Variants in RUNX1T1 observed in about 807,000 individuals in gnomAD.
RUNX1T1 encodes the protein protein CBFA2T1.
A neutral mutation model predicts 62.8 loss-of-function variants in RUNX1T1; 4 were observed. That is an observed-to-expected ratio of 0.06 (90% CI 0.03 to 0.15). RUNX1T1 has a LOEUF of 0.15. RUNX1T1 is among the 10% of genes least tolerant of loss of function. RUNX1T1 has a pLI of 1.00. For synonymous variants in RUNX1T1, 291 were observed against 286.0 expected (o/e 1.02, Z -0.18); for missense variants, 508 against 754.3 (o/e 0.67, Z 3.82).
At chr8:92,058,946 A>G (rs1831466778) in intron 1 of RUNX1T1, among the ~76,000 whole-genome samples, 1 of 152,172 alleles carries the variant, frequency 6.6e-6, no homozygotes, top group Non-Finnish European at 1.5e-5. Flanking sequence ...ATCATTTTCA[A>G]TAGACCATTA....
chr8:92,055,705 T>C (rs184833838), intron 1 of RUNX1T1, among the ~76,000 whole-genome samples: 118 of 152,356 alleles, frequency 7.7e-4, no homozygotes, highest in Non-Finnish European at 1.2e-3. Flanking sequence ...TTCTATATTT[T>C]CTAAATCAAC....
intron 1 of RUNX1T1, among the ~76,000 whole-genome samples, chr8:92,086,844 A>G (rs946346546): frequency 3.3e-5 from 5 of 152,056 alleles, no homozygotes; most frequent in Non-Finnish European, 7.4e-5. Flanking sequence ...TTCTCATCCC[A>G]CAAACCCAAC....
intron 1 of RUNX1T1, among the ~76,000 whole-genome samples, chr8:92,039,894 T>C (rs73306079): frequency 0.012 from 1,838 of 152,234 alleles, 22 homozygotes; most frequent in African/African-American, 0.042. Flanking sequence ...CTGTGGCCCA[T>C]CAGGTCCTCA....
intron 1 of RUNX1T1, among the ~76,000 whole-genome samples, chr8:92,044,495 T>C (rs1435687839): frequency 6.6e-6 from 1 of 152,156 alleles, no homozygotes; most frequent in Non-Finnish European, 1.5e-5. Context: ...ATCCAAGAGA[T>C]GGCAAAAAGA....
intron 1 of RUNX1T1, among the ~76,000 whole-genome samples, chr8:92,033,711 C>T (rs919679524): frequency 3.3e-5 from 5 of 151,958 alleles, no homozygotes; most frequent in African/African-American, 1.2e-4. Flanking sequence ...GTGGCTCACG[C>T]CTATAATCCG....
intron 1 of RUNX1T1, among the ~76,000 whole-genome samples, chr8:92,034,745 C>CACACATATATACACACATAT (rs1563810019): frequency 6.7e-6 from 1 of 148,576 alleles, no homozygotes; most frequent in African/African-American, 2.5e-5. Context: ...CATATATATA[C>CACACATATATACACACATAT]ACATATATAT....
chr8:92,079,210 TAACTC>T (rs2130801606), intron 1 of RUNX1T1, among the ~76,000 whole-genome samples: 1 of 152,342 alleles, frequency 6.6e-6, no homozygotes, highest in African/African-American at 2.4e-5. Flanking sequence ...AATCAAACCT[TAACTC>T]TAACTCTTTT....
chr8:91,977,526 T>C (rs906644596), intron 8 of RUNX1T1: 10 of 190,360 alleles, frequency 5.3e-5, no homozygotes, highest in Middle Eastern at 1.8e-3. Context: ...TTATCTTCCT[T>C]ACCACTATAA....
At chr8:91,998,766 G>A (rs376673691) in intron 5 of RUNX1T1, among the ~76,000 whole-genome samples, 14 of 152,016 alleles carry the variant, frequency 9.2e-5, no homozygotes, top group African/African-American at 2.9e-4. Flanking sequence ...TTTCTTATTC[G>A]AATCTGTCAC....
chr8:92,062,718 CAG>C, exon 1 of RUNX1T1: 1 of 1,579,614 alleles, frequency 6.3e-7, no homozygotes. Flanking sequence ...GCCTGCCAGG[CAG>C]AGACAGATGG....
intron 1 of RUNX1T1, among the ~76,000 whole-genome samples, chr8:92,098,014 T>G (rs1248675731): frequency 1.3e-5 from 2 of 152,232 alleles, no homozygotes; most frequent in Non-Finnish European, 2.9e-5. Context: ...TTTCAACTAG[T>G]TCTTTTCTTA....
At chr8:92,046,947 A>C (rs1309479241) in intron 1 of RUNX1T1, among the ~76,000 whole-genome samples, 5 of 152,216 alleles carry the variant, frequency 3.3e-5, no homozygotes, top group African/African-American at 1.2e-4. Flanking sequence ...CATGAGGCCC[A>C]GTGAGGTCTT....
intron 1 of RUNX1T1, among the ~76,000 whole-genome samples, chr8:92,080,186 C>A (rs1468946548): frequency 6.6e-6 from 1 of 152,044 alleles, no homozygotes; most frequent in African/African-American, 2.4e-5. Flanking sequence ...TAGTTGTAGC[C>A]CCAAATGAAA....
At chr8:92,064,998 A>C (rs1467978820), upstream of RUNX1T1, among the ~76,000 whole-genome samples, 1 of 152,130 alleles carries the variant, frequency 6.6e-6, no homozygotes, top group Non-Finnish European at 1.5e-5. Flanking sequence ...GGCCTAGCTG[A>C]ATGTGTGTGC....
chr8:92,080,509 C>T (rs1835083875), intron 1 of RUNX1T1, among the ~76,000 whole-genome samples: 1 of 152,220 alleles, frequency 6.6e-6, no homozygotes, highest in South Asian at 2.1e-4. Context: ...GCAGCAGAGT[C>T]CATACAACCT....
Position 91,996,911 on chromosome 8 carries a change from C to T in RUNX1T1, c.660-5022G>A, listed in dbSNP as rs539955767. Among the ~76,000 whole-genome samples, 31 of 151,044 alleles carry T rather than the reference C, an allele frequency of 2.1e-4. No homozygotes were observed. The Middle Eastern group carries it at 0.01, about 50-fold the overall frequency. On this transcript the variant is annotated intron_variant, in intron 5 of 10. Transcript: ENST00000396218. ...GTGAGGTAGGTGGATCACTTGAGGT[C>T]AGGAGCTTGAGACCAGCCTGGCCGA...
Position 91,976,073 on chromosome 8 carries a change from G to A in RUNX1T1, c.1199-100C>T, listed in dbSNP as rs538651812. 34 of 805,312 alleles carry A rather than the reference G, an allele frequency of 4.2e-5. No homozygotes were observed. In the South Asian group the frequency reaches 5.4e-4, roughly 13 times the overall value. The allele number at this position is 805,312 out of a possible 1,614,324, so 49.9% of individuals were successfully genotyped here. A position where few individuals can be genotyped will look rare whatever the true frequency, so the allele number is the denominator to read the frequency against. ...AAAGTAAGCAATGCCCATTCTCCTG[G>A]CTTCTCTACAAAAACGCAATTTTAA... On this transcript the variant is annotated intron_variant, in intron 8 of 10. Transcript: ENST00000396218.
chr8:92,056,761 C>T (rs937177154), intron 1 of RUNX1T1, among the ~76,000 whole-genome samples: 1 of 152,178 alleles, frequency 6.6e-6, no homozygotes, highest in African/African-American at 2.4e-5. Flanking sequence ...CACCAAAAAA[C>T]GTGCTTTTTT....
intron 8 of RUNX1T1, among the ~76,000 whole-genome samples, chr8:91,984,063 C>A (rs1398985183): frequency 6.6e-6 from 1 of 152,078 alleles, no homozygotes. Context: ...ATGCTTGTAC[C>A]CTTTGACTAA....
Sources: allele counts gnomAD v4.1 joint callset (sites outside exome capture counted in the v4.1 genomes callset), GRCh38; gene constraint gnomAD v4.1.1; transcripts MANE v1.5; gene names NCBI Gene and HGNC (gene_info 2026-07-23, HGNC 2026-07-21).